Variants in DDX10 observed in about 807,000 individuals in gnomAD.
The protein encoded by DDX10 is DEAD-box helicase 10, also known as probable ATP-dependent RNA helicase DDX10.
DDX10 carries 74 observed loss-of-function variants against 104.3 expected under a neutral mutation model. The ratio of observed to expected loss-of-function variants is 0.71; its 90% CI spans 0.59 to 0.86. The LOEUF is 0.86. Ranked by LOEUF, DDX10 falls within the 40% of genes least tolerant of loss-of-function variation. The probability of loss-of-function intolerance (pLI) is 0.00; values close to 1 mark genes in which losing one functional copy is unlikely to be tolerated. For synonymous variants in DDX10, 351 were observed against 353.4 expected, an observed-to-expected ratio of 0.99 and a Z score of 0.08; for missense variants, 952 against 1,040.0, an observed-to-expected ratio of 0.92 and a Z score of 1.16.
chr11:108,736,632 AT>A (rs1458329769), intron 13 of DDX10, among the ~76,000 whole-genome samples: 2 of 152,150 alleles, frequency 1.3e-5, no homozygotes, highest in Non-Finnish European at 2.9e-5. Context: ...CAAGACCCTT[AT>A]AAAAAGGCTT....
chr11:108,730,853 T>TC (rs898830192), intron 13 of DDX10, among the ~76,000 whole-genome samples: 5 of 151,750 alleles, frequency 3.3e-5, no homozygotes, highest in African/African-American at 7.3e-5. Context: ...CTGCATGTTT[T>TC]TTTTTTTTTA....
chr11:108,852,074 A>T (rs1056012003), intron 15 of DDX10, 79 bp from the exon 16 acceptor site: 38 of 1,143,470 alleles, frequency 3.3e-5, no homozygotes, highest in Non-Finnish European at 4.3e-5. Flanking sequence ...AGCTTTAGGA[A>T]ATAAAACTGT....
intron 16 of DDX10, among the ~76,000 whole-genome samples, chr11:108,900,370 A>G (rs12796331): frequency 0.13 from 19,395 of 152,196 alleles, 1,459 homozygotes; most frequent in East Asian, 0.25. Flanking sequence ...CCTACTACAG[A>G]TATTTTGACT....
At chr11:108,934,976 T>C (rs1228443133) in intron 17 of DDX10, among the ~76,000 whole-genome samples, 2 of 152,036 alleles carry the variant, frequency 1.3e-5, no homozygotes, top group Non-Finnish European at 2.9e-5. Flanking sequence ...CATTGAAATG[T>C]TGCCTTTTTT....
At chr11:108,828,948 G>A (rs1862434146) in intron 13 of DDX10, among the ~76,000 whole-genome samples, 1 of 152,214 alleles carries the variant, frequency 6.6e-6, no homozygotes, top group African/African-American at 2.4e-5. Context: ...ACAGGCATGA[G>A]CCACTGTGCC....
chr11:108,691,877 T>C lies in DDX10; in HGVS notation c.977T>C (p.Val326Ala), dbSNP rs1363300739. The change falls in exon 8 of 18, where the codon GTC (valine) becomes GCC (alanine). Residue 326 changes from valine to alanine, a missense_variant and splice_region_variant. By Grantham distance (64) the Val-to-Ala change is moderately conservative (BLOSUM62 0). Around this residue, in one of 3 missense-constraint regions of DDX10, gnomAD observed 412 missense variants for 479.2 expected, o/e 0.86. Transcript: ENST00000322536. ...SIVFFSSCKEVQYLYRVFCRL... is the reference protein window; with the variant it reads ...SIVFFSSCKEAQYLYRVFCRL... Reference sequence around the variant, plus strand: ...CTTATTCTTCTGTTGATGCCCCAGGTCCAGTATCTGTACCGAGTGTTTTGC... The same window carrying C: ...CTTATTCTTCTGTTGATGCCCCAGGCCCAGTATCTGTACCGAGTGTTTTGC... 1 of 1,612,452 alleles carries C rather than the reference T, an allele frequency of 6.2e-7. No homozygotes were observed. Among genetic ancestry groups the C allele is most frequent in the South Asian group, 1.1e-5 (1 of 90,592 alleles).
intron 15 of DDX10, among the ~76,000 whole-genome samples, chr11:108,849,147 A>C (rs1420726833): frequency 1.3e-5 from 2 of 152,116 alleles, no homozygotes. Flanking sequence ...GTTTACTGGA[A>C]TTTTGTTCTT....
chr11:108,839,005 C>T (rs1213702923), intron 14 of DDX10, among the ~76,000 whole-genome samples: 1 of 152,160 alleles, frequency 6.6e-6, no homozygotes, highest in East Asian at 1.9e-4. Context: ...AGGGAATTCT[C>T]TGCTTTATAA....
intron 9 of DDX10, among the ~76,000 whole-genome samples, chr11:108,704,407 T>C (rs1035387435): frequency 3.9e-5 from 6 of 152,218 alleles, no homozygotes; most frequent in African/African-American, 1.4e-4. Flanking sequence ...CTTCTGAAGG[T>C]AATTCGCTTA....
chr11:108,851,677 A>G (rs894762702), intron 15 of DDX10, among the ~76,000 whole-genome samples: 1 of 149,252 alleles, frequency 6.7e-6, no homozygotes, highest in Non-Finnish European at 1.5e-5. Context: ...ATGTATCGCA[A>G]AAAGCACTAG....
intron 16 of DDX10, among the ~76,000 whole-genome samples, chr11:108,884,150 C>T (rs1336813272): frequency 6.6e-6 from 1 of 152,174 alleles, no homozygotes; most frequent in African/African-American, 2.4e-5. Context: ...ACTTGGGTGT[C>T]TATTAGGCAT....
chr11:108,684,035 G>A (rs1430636820), intron 6 of DDX10, among the ~76,000 whole-genome samples: 1 of 150,980 alleles, frequency 6.6e-6, no homozygotes, highest in Non-Finnish European at 1.5e-5. Context: ...CCCAAACTTC[G>A]CTAGTAGATG....
rs375853446 is a variant in DDX10 at position 108,788,486 on chromosome 11, C to T, written c.1966-49960C>T. On this transcript the variant is annotated intron_variant, in intron 13 of 17. Transcript: ENST00000322536. ...CAAGCATTTCTCCTGCCTCAGCCCCCTGAGAAGCTGGGATTACAGGTATGC... is the reference window on the plus strand; with the variant it reads ...CAAGCATTTCTCCTGCCTCAGCCCCTTGAGAAGCTGGGATTACAGGTATGC... Among the ~76,000 whole-genome samples the T allele has an allele frequency of 2.6e-5, 4 of 152,290 alleles. No individual in the cohort carries two copies. In the South Asian group the frequency reaches 6.2e-4, roughly 24 times the overall value.
At chr11:108,689,719 A>G (rs2094249429) in intron 7 of DDX10, among the ~76,000 whole-genome samples, 1 of 152,214 alleles carries the variant, frequency 6.6e-6, no homozygotes, top group Non-Finnish European at 1.5e-5. Flanking sequence ...GTCTTTGTGC[A>G]TGTGTGCGTG....
At chr11:108,724,358 T>C (rs1042252713) in intron 13 of DDX10, among the ~76,000 whole-genome samples, 2 of 152,016 alleles carry the variant, frequency 1.3e-5, no homozygotes, top group Non-Finnish European at 2.9e-5. Flanking sequence ...CTGAACATTA[T>C]CTCATTTAGT....
chr11:108,868,014 T>TA (rs960480711), intron 16 of DDX10, among the ~76,000 whole-genome samples: 1 of 152,146 alleles, frequency 6.6e-6, no homozygotes. Flanking sequence ...AGGAAACTCC[T>TA]AGTTTTCTAG....
chr11:108,820,427 G>T (rs1297116500), intron 13 of DDX10, among the ~76,000 whole-genome samples: 1 of 152,218 alleles, frequency 6.6e-6, no homozygotes, highest in Non-Finnish European at 1.5e-5. Context: ...CACATAGGAG[G>T]TTCTCAGAGT....
At chr11:108,683,154 A>G (rs1359307458) in intron 6 of DDX10, among the ~76,000 whole-genome samples, 1 of 152,158 alleles carries the variant, frequency 6.6e-6, no homozygotes, top group Non-Finnish European at 1.5e-5. Context: ...GGTATCTACC[A>G]GGGCCCCTCT....
At chr11:108,723,552 T>A in intron 13 of DDX10, 90 bp downstream of exon 13, 1 of 1,319,556 alleles carries the variant, frequency 7.6e-7, no homozygotes, top group Non-Finnish European at 1.0e-6. Flanking sequence ...AAGTGAAAAC[T>A]AAGAAACTTA....
Sources: allele counts gnomAD v4.1 joint callset (sites outside exome capture counted in the v4.1 genomes callset), GRCh38; gene constraint gnomAD v4.1.1; regional missense constraint gnomAD v4.1.1; transcripts MANE v1.5; gene names NCBI Gene and HGNC (gene_info 2026-07-23, HGNC 2026-07-21).